GPC1: variants seen among roughly 807,000 people sequenced by gnomAD.
The protein encoded by GPC1 is glypican-1.
A neutral mutation model predicts 51.5 loss-of-function variants in GPC1; 26 were observed. The observed-to-expected ratio is 0.50, with a 90% CI of 0.37 to 0.70. The LOEUF (loss-of-function observed/expected upper bound fraction) is 0.70, where lower values mean the gene tolerates loss of function less well. GPC1 is among the 30% of genes least tolerant of loss of function. GPC1 has a pLI of 0.00. For missense variants in GPC1, 775 were observed against 800.5 expected (o/e 0.97, Z 0.38); for synonymous variants, 380 against 348.3 (o/e 1.09, Z -1.01).
chr2:240,462,066 G>A (rs1417779255), intron 2 of GPC1, 125 bp from the exon 3 acceptor site: 26 of 939,308 alleles, frequency 2.8e-5, no homozygotes, highest in Admixed American at 1.2e-4. Flanking sequence ...GCAGTGTGGC[G>A]TCCGACTCCG....
chr2:240,450,186 G>A (rs2074084766), intron 1 of GPC1: 1 of 333,258 alleles, frequency 3.0e-6, no homozygotes, highest in Non-Finnish European at 5.9e-6. Context: ...AGAAGCTCCA[G>A]CCCACACACC....
At chr2:240,436,333 C>G (rs1006211369) in intron 1 of GPC1, among the ~76,000 whole-genome samples, 3 of 152,088 alleles carry the variant, frequency 2.0e-5, no homozygotes, top group African/African-American at 7.2e-5. Flanking sequence ...CCCTCCCCGC[C>G]CCCCGCACGC....
At chr2:240,451,249 G>T in intron 1 of GPC1, 1 of 471,124 alleles carries the variant, frequency 2.1e-6, no homozygotes. Context: ...TGGCATTCAC[G>T]GGGCAGATGG....
rs778470385 is a variant in GPC1 at position 240,462,430 on chromosome 2, C to T, written c.565C>T (p.Leu189=). 4.4e-6 allele frequency: 7 copies of T among 1,605,786 alleles called. No individual in the cohort carries two copies. The East Asian group carries it at 6.7e-5, about 15-fold the overall frequency. Residue 189 remains leucine (L), a synonymous_variant, in exon 3 of 9, where the codon CTG becomes TTG. Transcript: ENST00000264039. ...CCAGCTGCTGCTGCCTGATGACTAC[C>T]TGGACTGCCTGGGCAAGCAGGCCGA... is the stretch of plus-strand genomic sequence containing the variant. ...HPQLLLPDDY[L]DCLGKQAEAL... is the part of the protein sequence containing the mutation.
In GPC1 at chr2:240,462,127, G is replaced by C. The variant is rs1013475307; in HGVS notation, c.326-64G>C. The C allele has an allele frequency of 6.9e-6, 10 of 1,458,206 alleles. No homozygotes were observed. In the South Asian group the frequency reaches 1.2e-4, roughly 18 times the overall value. 90.3% of individuals were successfully genotyped at this position (1,458,206 alleles called of 1,614,324 possible). On this transcript the variant is annotated intron_variant, in intron 2 of 8. Transcript: ENST00000264039. The stretch of plus-strand genomic sequence containing the variant: ...CTGAGTCTCCCGGGCTGAGTCCCCT[G>C]CTCTGGTCCAGCTGCCACGGCGGGG...
intron 1 of GPC1, among the ~76,000 whole-genome samples, chr2:240,442,173 T>G (rs10211085): frequency 2.0e-5 from 3 of 150,556 alleles, no homozygotes; most frequent in Non-Finnish European, 4.4e-5. Flanking sequence ...TCCTCCGGCC[T>G]TTCCCCACAG....
At chr2:240,463,894 C>G (rs1053622768) in intron 4 of GPC1, 4 of 278,090 alleles carry the variant, frequency 1.4e-5, no homozygotes, top group Admixed American at 9.8e-5. Context: ...GGCGTGCTCA[C>G]TTGCTGACAC....
rs1390821131 is a variant in GPC1 at position 240,447,530 on chromosome 2, C to T, written c.166+11446C>T. On this transcript the variant is annotated intron_variant, in intron 1 of 8. Coordinates refer to ENST00000264039, the MANE Select transcript of GPC1 (RefSeq NM_002081.3). ...TCGGGTTCCCAGGGAGGCGGCCTGC[C>T]GGGCCTCTGGGGAAAGCCACACCCT... 5.9e-5 allele frequency among the ~76,000 whole-genome samples: 9 copies of T among 152,204 alleles called. 1 individual carries two copies. Among genetic ancestry groups the T allele is most frequent in the Admixed American group, 3.3e-4 (5 of 15,280 alleles).
chr2:240,454,516 CG>C (rs2074137764), intron 1 of GPC1, among the ~76,000 whole-genome samples: 1 of 152,220 alleles, frequency 6.6e-6, no homozygotes, highest in Non-Finnish European at 1.5e-5. Flanking sequence ...GCCCCGTTGC[CG>C]GGTGCAGAGC....
chr2:240,446,283 T>C (rs2074050161), intron 1 of GPC1, among the ~76,000 whole-genome samples: 1 of 152,250 alleles, frequency 6.6e-6, no homozygotes, highest in Non-Finnish European at 1.5e-5. Flanking sequence ...TCCCAGGTCC[T>C]CTGCATCATT....
At chr2:240,458,769 C>T in intron 1 of GPC1, 3 of 454,242 alleles carry the variant, frequency 6.6e-6, no homozygotes, top group South Asian at 8.5e-5. Flanking sequence ...GGGGGCAGGA[C>T]TTGCCCAAGG....
chr2:240,444,117 C>T (rs906018354), intron 1 of GPC1, among the ~76,000 whole-genome samples: 11 of 152,188 alleles, frequency 7.2e-5, no homozygotes, highest in Non-Finnish European at 2.9e-5. Context: ...TTTGCAGCTC[C>T]GTGTCGGGGC....
intron 2 of GPC1, 122 bp from the exon 3 acceptor site, chr2:240,462,069 C>T (rs1186200958): frequency 8.1e-6 from 8 of 983,254 alleles, no homozygotes; most frequent in East Asian, 2.7e-5. Context: ...GTGTGGCGTC[C>T]GACTCCGAGG....
rs1452958100 is a variant in GPC1, at chr2:240,448,521, C to G, written c.167-10509C>G. ...GGGGTGGAACTCTGAGCCTCCGGCT[C>G]TCCTCCGGCAGGTGGCTTCGGGAAA... On this transcript the variant is annotated intron_variant, in intron 1 of 8. Coordinates refer to ENST00000264039, the MANE Select transcript of GPC1 (RefSeq NM_002081.3). The surrounding 1 kb of genome is among the most constrained non-coding windows in gnomAD (Gnocchi z 4.5). 6.6e-6 allele frequency among the ~76,000 whole-genome samples: 1 copy of G among 152,152 alleles called. No homozygotes were observed. Among genetic ancestry groups the G allele is most frequent in the Non-Finnish European group, 1.5e-5 (1 of 68,020 alleles).
rs1035030106 is a variant in GPC1, at chr2:240,460,714, T to C, written c.326-1477T>C. 4.6e-5 allele frequency among the ~76,000 whole-genome samples: 7 copies of C among 152,262 alleles called. No individual in the cohort carries two copies. The East Asian group carries it at 1.4e-3, about 29-fold the overall frequency. ...CTTTGACCTGAAAACACAGACACCC[T>C]TTGGGGACATTTGTATTAAAAATGA... On this transcript the variant is annotated intron_variant, in intron 2 of 8. Coordinates refer to ENST00000264039, the MANE Select transcript of GPC1 (RefSeq NM_002081.3).
At chr2:240,454,095 G>T (rs565190737) in intron 1 of GPC1, among the ~76,000 whole-genome samples, 5 of 152,242 alleles carry the variant, frequency 3.3e-5, no homozygotes, top group African/African-American at 1.2e-4. Context: ...CAGGGGTGTG[G>T]GGAGGGGAGG....
chr2:240,465,825 G>A (rs578125126), intron 8 of GPC1, among the ~76,000 whole-genome samples, 177 bp downstream of exon 8: 2 of 152,314 alleles, frequency 1.3e-5, no homozygotes, highest in South Asian at 4.1e-4. Flanking sequence ...CCTCTGCGGC[G>A]CCCTGGAGGC....
chr2:240,461,300 C>T (rs565989405), intron 2 of GPC1, among the ~76,000 whole-genome samples: 3 of 152,178 alleles, frequency 2.0e-5, no homozygotes, highest in East Asian at 1.9e-4. Flanking sequence ...TGACGGCCCC[C>T]GTGCCTCAAA....
chr2:240,445,504 G>C (rs1043751408), intron 1 of GPC1, among the ~76,000 whole-genome samples: 4 of 152,028 alleles, frequency 2.6e-5, no homozygotes, highest in Admixed American at 2.0e-4. Context: ...CAGGGGAAGA[G>C]GGAGCTCAGG....
Sources: allele counts gnomAD v4.1 joint callset (sites outside exome capture counted in the v4.1 genomes callset), GRCh38; gene constraint gnomAD v4.1.1; non-coding constraint Gnocchi (gnomAD v3.1); transcripts MANE v1.5; gene names NCBI Gene and HGNC (gene_info 2026-07-23, HGNC 2026-07-21).